The following B3GALT1 variants were observed in gnomAD, a reference collection of about 807,000 sequenced individuals.
The protein encoded by B3GALT1 is beta-1,3-galactosyltransferase 1, also known as UDP-Gal:betaGlcNAc beta 1,3-galactosyltransferase, polypeptide 1.
B3GALT1 carries 10 observed loss-of-function variants against 23.2 expected under a neutral mutation model. The observed-to-expected ratio is 0.43, with a 90% CI of 0.27 to 0.73. B3GALT1 has a LOEUF of 0.73. B3GALT1 is among the 30% of genes least tolerant of loss of function. The pLI is 0.21. For synonymous variants in B3GALT1, 156 were observed against 141.5 expected, an observed-to-expected ratio of 1.10 and a Z score of -0.73; for missense variants, 299 against 405.4, an observed-to-expected ratio of 0.74 and a Z score of 2.25.
rs191849913 is a variant in B3GALT1 at position 167,785,136 on chromosome 2, G to A, written c.-351-33536G>A. ...AAAAGTAAGACCTAACATTGCCTTCGGTAATAATATTCACCATTTGAATCA... is the reference window on the plus strand; with the variant it reads ...AAAAGTAAGACCTAACATTGCCTTCAGTAATAATATTCACCATTTGAATCA... On this transcript the variant is annotated intron_variant, in intron 3 of 4. Transcript: ENST00000392690. Among the ~76,000 whole-genome samples the A allele has an allele frequency of 5.3e-5, 8 of 152,106 alleles. No homozygotes were observed. In the East Asian group the frequency reaches 7.7e-4, roughly 15 times the overall value.
intron 3 of B3GALT1, among the ~76,000 whole-genome samples, chr2:167,795,032 A>G (rs1688520320): frequency 6.6e-6 from 1 of 152,206 alleles, no homozygotes; most frequent in Non-Finnish European, 1.5e-5. Flanking sequence ...GAACAAGAAC[A>G]AATAACATGG....
At chr2:167,542,005 G>A (rs1440493787) in intron 2 of B3GALT1, among the ~76,000 whole-genome samples, 1 of 151,816 alleles carries the variant, frequency 6.6e-6, no homozygotes, top group East Asian at 1.9e-4. Context: ...GAACTTAGAG[G>A]GATATTTTGA....
chr2:167,555,825 A>G (rs1574134433), intron 2 of B3GALT1, among the ~76,000 whole-genome samples: 1 of 152,258 alleles, frequency 6.6e-6, no homozygotes, highest in East Asian at 1.9e-4. Flanking sequence ...CTAAGGATGA[A>G]AGGAGAATGG....
chr2:167,631,769 C>CT (rs558837779), intron 2 of B3GALT1, among the ~76,000 whole-genome samples: 83 of 120,592 alleles, frequency 6.9e-4, no homozygotes, highest in South Asian at 2.6e-3. Context: ...CTTTTCTTTT[C>CT]TTTTTTTTTT....
intron 2 of B3GALT1, among the ~76,000 whole-genome samples, chr2:167,541,568 T>C (rs1315344437): frequency 6.6e-6 from 1 of 152,296 alleles, no homozygotes; most frequent in East Asian, 1.9e-4. Flanking sequence ...TTAGGAAAAG[T>C]CTAAAATATT....
In B3GALT1 at chr2:167,597,177, G is replaced by A. The variant is rs531828053; in HGVS notation, c.-409-49732G>A. Among the ~76,000 whole-genome samples, 29 of 150,798 alleles carry A rather than the reference G, an allele frequency of 1.9e-4. No individual in the cohort carries two copies. In the East Asian group the frequency reaches 2.5e-3, roughly 13 times the overall value. On this transcript the variant is annotated intron_variant, in intron 2 of 4. Coordinates refer to ENST00000392690, the MANE Select transcript of B3GALT1 (RefSeq NM_020981.4). ...GTCGCCCAGGCTGGAGTGCAGTGGCGGAATCTCAGCTCACTGCAAACTCCG... is the reference window on the plus strand; with the variant it reads ...GTCGCCCAGGCTGGAGTGCAGTGGCAGAATCTCAGCTCACTGCAAACTCCG...
chr2:167,730,763 A>T (rs1687398051), intron 3 of B3GALT1, among the ~76,000 whole-genome samples: 1 of 152,224 alleles, frequency 6.6e-6, no homozygotes, highest in Non-Finnish European at 1.5e-5. Flanking sequence ...GTCTAGAAAG[A>T]TGCTCTGACC....
rs564454961 is a variant in B3GALT1, at chr2:167,473,483, A to C, written c.-510-16694A>C. Among the ~76,000 whole-genome samples, 8 of 152,256 alleles carry C rather than the reference A, an allele frequency of 5.3e-5. No individual in the cohort carries two copies. In the East Asian group the frequency reaches 1.4e-3, roughly 26 times the overall value. On this transcript the variant is annotated intron_variant, in intron 1 of 4. Coordinates refer to ENST00000392690, the MANE Select transcript of B3GALT1 (RefSeq NM_020981.4). ...GATACAAAATAATTAATGGTGAGAG[A>C]GGTGACAGTGGATCATTAGGAAGGT...
At chr2:167,822,621 T>C (rs773899558) in intron 4 of B3GALT1, among the ~76,000 whole-genome samples, 13 of 152,152 alleles carry the variant, frequency 8.5e-5, no homozygotes, top group Non-Finnish European at 1.8e-4. Context: ...GGCACAGGCA[T>C]ACATTTCTTT....
chr2:167,374,568 T>TGGTATCTCACTG (rs1697734784), intron 1 of B3GALT1, among the ~76,000 whole-genome samples: 1 of 152,168 alleles, frequency 6.6e-6, no homozygotes, highest in South Asian at 2.1e-4. Flanking sequence ...TGATGTAAGA[T>TGGTATCTCACTG]GGTATCTCAC....
At chr2:167,842,793 G>A (rs941793553) in intron 4 of B3GALT1, among the ~76,000 whole-genome samples, 1 of 152,116 alleles carries the variant, frequency 6.6e-6, no homozygotes, top group African/African-American at 2.4e-5. Flanking sequence ...AGGATTACTT[G>A]AGCCCAAGAG....
intron 1 of B3GALT1, among the ~76,000 whole-genome samples, chr2:167,443,732 T>C (rs1230462297): frequency 6.6e-6 from 1 of 152,224 alleles, no homozygotes; most frequent in Admixed American, 6.5e-5. Context: ...CCTGAGACTT[T>C]GCTGAAGTTG....
chr2:167,547,248 C>G (rs1020604882), intron 2 of B3GALT1, among the ~76,000 whole-genome samples: 1 of 152,190 alleles, frequency 6.6e-6, no homozygotes, highest in Non-Finnish European at 1.5e-5. Flanking sequence ...CCCTCTTGGT[C>G]AGCCTGCCCG....
At chr2:167,347,610 G>A (rs1697243202) in intron 1 of B3GALT1, among the ~76,000 whole-genome samples, 1 of 152,078 alleles carries the variant, frequency 6.6e-6, no homozygotes, top group African/African-American at 2.4e-5. Context: ...TGTGACTTGG[G>A]ATTCACCAAA....
intron 3 of B3GALT1, among the ~76,000 whole-genome samples, chr2:167,742,196 G>T (rs1338611910): frequency 6.6e-6 from 1 of 152,150 alleles, no homozygotes; most frequent in African/African-American, 2.4e-5. Flanking sequence ...TGAAATACTT[G>T]CTTTAAGATT....
chr2:167,493,051 A>G (rs762428021), intron 2 of B3GALT1, among the ~76,000 whole-genome samples: 8 of 152,212 alleles, frequency 5.3e-5, no homozygotes, highest in Admixed American at 6.5e-5. Context: ...AAAATAGGCC[A>G]TGTTTGATGC....
At chr2:167,533,752 T>C (rs985178109) in intron 2 of B3GALT1, among the ~76,000 whole-genome samples, 10 of 152,234 alleles carry the variant, frequency 6.6e-5, no homozygotes, top group African/African-American at 2.4e-4. Flanking sequence ...ATTTGCTCAC[T>C]ATTCCTTTTT....
intron 4 of B3GALT1, among the ~76,000 whole-genome samples, chr2:167,852,362 C>T (rs1453857875): frequency 1.3e-5 from 2 of 152,044 alleles, no homozygotes; most frequent in African/African-American, 4.8e-5. Flanking sequence ...CTCAGAAAGA[C>T]ATTTCGGAAA....
chr2:167,511,604 A>G (rs1700005672), intron 2 of B3GALT1, among the ~76,000 whole-genome samples: 1 of 152,156 alleles, frequency 6.6e-6, no homozygotes, highest in Admixed American at 6.5e-5. Context: ...AATAAAATAG[A>G]TTTAGAATCA....
Sources: gnomAD v4.1 joint callset for allele counts (sites outside exome capture counted in the v4.1 genomes callset) on GRCh38, gnomAD v4.1.1 for gene constraint, MANE v1.5 for transcripts, NCBI Gene and HGNC (gene_info 2026-07-23, HGNC 2026-07-21) for gene names.